The following ADD2 variants were observed in gnomAD, a reference collection of about 807,000 sequenced individuals.
ADD2 encodes beta-adducin.
ADD2 carries 23 observed loss-of-function variants against 83.0 expected under a neutral mutation model. That is an observed-to-expected ratio of 0.28 (90% confidence interval 0.20 to 0.39). ADD2 has a LOEUF of 0.39. Among genes scored for constraint, ADD2 ranks in the 10% least tolerant of loss-of-function variants. The pLI is 1.00. For missense variants in ADD2, 758 were observed against 944.9 expected, an observed-to-expected ratio of 0.80 and a Z score of 2.59; for synonymous variants, 375 against 375.4, an observed-to-expected ratio of 1.00 and a Z score of 0.01.
chr2:70,670,441 A>G (rs897277881), intron 15 of ADD2, among the ~76,000 whole-genome samples: 2 of 152,208 alleles, frequency 1.3e-5, no homozygotes. Flanking sequence ...ATTTCTTTGC[A>G]GGCGTAGCCA....
intron 2 of ADD2, among the ~76,000 whole-genome samples, chr2:70,712,210 G>A (rs988084171): frequency 1.4e-4 from 21 of 152,016 alleles, no homozygotes; most frequent in Non-Finnish European, 2.8e-4. Context: ...TTGGGAGGCC[G>A]AGGCGGATGG....
chr2:70,664,909 GGAGT>G (rs771094880), intron 15 of ADD2, among the ~76,000 whole-genome samples: 3 of 152,002 alleles, frequency 2.0e-5, no homozygotes, highest in Admixed American at 1.3e-4. Flanking sequence ...TATGAGTGTG[GGAGT>G]GAGCGTTTAC....
intron 1 of ADD2, among the ~76,000 whole-genome samples, chr2:70,720,462 T>A (rs1385719879): frequency 6.6e-6 from 1 of 152,156 alleles, no homozygotes; most frequent in East Asian, 1.9e-4. Flanking sequence ...AGGAGAGATG[T>A]TGTTCGACTG....
intron 15 of ADD2, among the ~76,000 whole-genome samples, chr2:70,665,343 G>C (rs1553365958): frequency 6.6e-6 from 1 of 152,182 alleles, no homozygotes; most frequent in Non-Finnish European, 1.5e-5. Flanking sequence ...GCCCCCTCCA[G>C]ACCACTGCGG....
At chr2:70,760,433 A>G (rs550941987) in intron 1 of ADD2, among the ~76,000 whole-genome samples, 122 of 152,328 alleles carry the variant, frequency 8.0e-4, no homozygotes, top group African/African-American at 2.6e-3. Context: ...TAAATTTGAT[A>G]TATATTTTTT....
chr2:70,681,846 T>C (rs1670467028), intron 10 of ADD2, among the ~76,000 whole-genome samples: 2 of 152,152 alleles, frequency 1.3e-5, no homozygotes, highest in African/African-American at 4.8e-5. Flanking sequence ...ATTGTTTTGT[T>C]TAAAAGTTTA....
intron 1 of ADD2, among the ~76,000 whole-genome samples, chr2:70,763,903 T>G (rs1255506614): frequency 6.6e-6 from 1 of 151,736 alleles, no homozygotes; most frequent in Non-Finnish European, 1.5e-5. Flanking sequence ...TCTTTTTTTT[T>G]TTGAGTTGGA....
At chr2:70,677,460 C>T (rs1282759296) in intron 12 of ADD2, among the ~76,000 whole-genome samples, 1 of 152,180 alleles carries the variant, frequency 6.6e-6, no homozygotes, top group African/African-American at 2.4e-5. Context: ...GAAATATTGC[C>T]AATAAGCCAA....
chr2:70,724,001 A>G lies in ADD2; in HGVS notation c.-153-10817T>C, dbSNP rs141339720. Among the ~76,000 whole-genome samples, 183 of 152,350 alleles carry G rather than the reference A, an allele frequency of 1.2e-3. 1 individual carries two copies. Among genetic ancestry groups the G allele is most frequent in the Non-Finnish European group, 2.5e-4 (17 of 68,038 alleles). On this transcript the variant is annotated intron_variant, in intron 1 of 15. Transcript: ENST00000264436. ...ACTGGTTAGCAAACAAATGGAATGT[A>G]TTAGCCCAAGGCAGGGTATGGACCA...
chr2:70,738,561 T>C (rs1301096534), intron 1 of ADD2, among the ~76,000 whole-genome samples: 3 of 152,202 alleles, frequency 2.0e-5, no homozygotes, highest in African/African-American at 4.8e-5. Context: ...CACTGTGATA[T>C]GGAAGCTACT....
In ADD2 at chr2:70,745,460, C is replaced by G. The variant is rs573045751; in HGVS notation, c.-154+22426G>C. On this transcript the variant is annotated intron_variant, in intron 1 of 15. Transcript: ENST00000264436. ...AAGTTAAGATGTGAGAGGAGGGCTT[C>G]AGAGTGTGAACATTGTACTTAGATG... Among the ~76,000 whole-genome samples, 25 of 152,264 alleles carry G rather than the reference C, an allele frequency of 1.6e-4. 1 individual carries two copies. In the East Asian group the frequency reaches 4.8e-3, roughly 29 times the overall value.
Position 70,768,177 on chromosome 2 carries a change from C to G in ADD2, c.-445G>C. ...TGCCGTCAGAATTAAAGCCATTTCC[C>G]GCACGAGGCTGGGAGGAAATGAGAG... On this transcript the variant is annotated 5_prime_UTR_variant, in exon 1 of 16. Transcript: ENST00000264436. The G allele has an allele frequency of 1.7e-6, 1 of 589,000 alleles. No homozygotes were observed. Among genetic ancestry groups the G allele is most frequent in the Non-Finnish European group, 3.0e-6 (1 of 335,066 alleles). The allele number at this position is 589,000 out of a possible 1,614,324, so 36.5% of individuals were successfully genotyped here.
intron 1 of ADD2, among the ~76,000 whole-genome samples, chr2:70,750,692 A>G (rs571051602): frequency 6.6e-6 from 1 of 152,212 alleles, no homozygotes; most frequent in South Asian, 2.1e-4. Flanking sequence ...TTGATTTCAG[A>G]CCTCTAGCCT....
chr2:70,691,389 A>T (rs994109229), intron 7 of ADD2, among the ~76,000 whole-genome samples: 1 of 150,558 alleles, frequency 6.6e-6, no homozygotes, highest in African/African-American at 2.5e-5. Flanking sequence ...ACAATTTTTA[A>T]CAAACAGAGA....
At position 70,658,509 on chromosome 2, in the gene ADD2, C is replaced by T. The variant is rs1675433794; in HGVS notation, c.*4916G>A. On this transcript the variant is annotated 3_prime_UTR_variant, in exon 16 of 16. Coordinates refer to ENST00000264436, the MANE Select transcript of ADD2 (RefSeq NM_001617.4). Reference sequence around the variant, plus strand: ...TTGCATTAAACTATCCCTTTCAGAACAGATGTGAAACAGATGATAGGCTGC... The same window carrying T: ...TTGCATTAAACTATCCCTTTCAGAATAGATGTGAAACAGATGATAGGCTGC... 6.6e-6 allele frequency: 1 copy of T among 152,188 alleles called. No homozygotes were observed. Among genetic ancestry groups the T allele is most frequent in the Non-Finnish European group, 1.5e-5 (1 of 68,040 alleles). The allele number at this position is 152,188 out of a possible 1,614,324, so 9.4% of individuals were successfully genotyped here.
rs1675606061 is a variant in ADD2 at position 70,663,243 on chromosome 2, C to T, written c.*182G>A. ...TAGCTGTGTGACCTTGGGCAAGTCA[C>T]CTGATTTCTCTTGGGCAACTGTAAA... is the stretch of plus-strand genomic sequence containing the variant. On this transcript the variant is annotated 3_prime_UTR_variant, in exon 16 of 16. Transcript: ENST00000264436. The T allele has an allele frequency of 7.3e-6, 5 of 681,046 alleles. No homozygotes were observed. The highest frequency in any genetic ancestry group is 9.7e-6 in the Non-Finnish European group (4 of 412,050). The allele number at this position is 681,046 out of a possible 1,614,324, so 42.2% of individuals were successfully genotyped here.
chr2:70,701,897 G>T (rs1272841393), intron 4 of ADD2, among the ~76,000 whole-genome samples: 1 of 151,986 alleles, frequency 6.6e-6, no homozygotes, highest in African/African-American at 2.4e-5. Context: ...ATAAATAAAA[G>T]ACATATCTCA....
At chr2:70,705,349 T>A (rs1358835252) in intron 3 of ADD2, among the ~76,000 whole-genome samples, 7 of 152,054 alleles carry the variant, frequency 4.6e-5, no homozygotes, top group Admixed American at 3.9e-4. Flanking sequence ...CCAGCCAGGG[T>A]CTCACACAGC....
At chr2:70,683,909 G>A (rs1670591297) in intron 9 of ADD2, 142 bp from the exon 10 acceptor site, 3 of 819,386 alleles carry the variant, frequency 3.7e-6, no homozygotes, top group Non-Finnish European at 5.4e-6. Context: ...CATACTTGAT[G>A]GGCATGCCCC....
Sources: allele counts gnomAD v4.1 joint callset (sites outside exome capture counted in the v4.1 genomes callset), GRCh38; gene constraint gnomAD v4.1.1; transcripts MANE v1.5; gene names NCBI Gene and HGNC (gene_info 2026-07-23, HGNC 2026-07-21).